The following NODAL variants were observed in gnomAD, a reference collection of about 807,000 sequenced individuals.
NODAL encodes nodal growth differentiation factor.
A neutral mutation model predicts 34.0 loss-of-function variants in NODAL; 12 were observed. The observed-to-expected ratio is 0.35, with a 90% CI of 0.23 to 0.57. NODAL has a LOEUF of 0.57. Ranked by LOEUF, NODAL falls within the 20% of genes least tolerant of loss-of-function variation. The pLI is 0.83. For synonymous variants in NODAL, 162 were observed against 186.4 expected, an observed-to-expected ratio of 0.87 and a Z score of 1.07; for missense variants, 390 against 444.2, an observed-to-expected ratio of 0.88 and a Z score of 1.10.
chr10:70,434,124 T>G (rs1301983522), intron 2 of NODAL, among the ~76,000 whole-genome samples: 1 of 152,168 alleles, frequency 6.6e-6, no homozygotes, highest in Admixed American at 6.5e-5. Context: ...GGAGGATATA[T>G]TGCAAGTCCA....
chr10:70,440,530 C>T (rs1055315393), intron 1 of NODAL, among the ~76,000 whole-genome samples: 2 of 152,118 alleles, frequency 1.3e-5, no homozygotes, highest in African/African-American at 4.8e-5. Flanking sequence ...TGCGCCCCGG[C>T]CCCAGGGAGG....
chr10:70,446,479 G>A (rs1845487314), upstream of NODAL, among the ~76,000 whole-genome samples: 1 of 152,108 alleles, frequency 6.6e-6, no homozygotes, highest in Non-Finnish European at 1.5e-5. Context: ...CTACTGACAG[G>A]AATGCTATAA....
At chr10:70,444,136 C>T (rs12779836), upstream of NODAL, among the ~76,000 whole-genome samples, 94,335 of 151,742 alleles carry the variant, frequency 0.62, 29,874 homozygotes, top group Middle Eastern at 0.77. Flanking sequence ...TTTTGCTATG[C>T]TGCCCAGGCT....
upstream of NODAL, among the ~76,000 whole-genome samples, chr10:70,443,163 G>A (rs1564669756): frequency 2.6e-5 from 4 of 152,150 alleles, no homozygotes; most frequent in Admixed American, 1.3e-4. Context: ...TTAGAAAATG[G>A]AGAAAGGCCC....
intron 1 of NODAL, among the ~76,000 whole-genome samples, chr10:70,447,321 A>G (rs1031186938): frequency 1.3e-5 from 2 of 151,818 alleles, no homozygotes; most frequent in Non-Finnish European, 2.9e-5. Flanking sequence ...TGATCCATCC[A>G]CCTCGGCCTC....
In NODAL at chr10:70,432,577, G is replaced by T; in HGVS notation, c.*359C>A. The T allele has an allele frequency of 2.8e-6, 1 of 355,568 alleles. No individual in the cohort carries two copies. The highest frequency in any genetic ancestry group is 2.1e-5 in the African/African-American group (1 of 47,294). The allele number at this position is 355,568 out of a possible 1,614,324, so 22.0% of individuals were successfully genotyped here. A position where few individuals can be genotyped will look rare whatever the true frequency, so the allele number is the denominator to read the frequency against. ...ACTTCATCCCACCTCCAAAATACAT[G>T]CACATATGTCTCAACTTTCACATAC... On this transcript the variant is annotated 3_prime_UTR_variant, in exon 3 of 3. Coordinates refer to ENST00000287139, the MANE Select transcript of NODAL (RefSeq NM_018055.5).
chr10:70,443,308 T>C (rs1258711363), upstream of NODAL, among the ~76,000 whole-genome samples: 2 of 152,126 alleles, frequency 1.3e-5, no homozygotes, highest in Non-Finnish European at 2.9e-5. Context: ...AGTCTGTTAG[T>C]TTCCTAAAGC....
At chr10:70,446,308 A>G (rs1845486597), upstream of NODAL, among the ~76,000 whole-genome samples, 1 of 152,174 alleles carries the variant, frequency 6.6e-6, no homozygotes, top group South Asian at 2.1e-4. Flanking sequence ...TGATGTGAGC[A>G]GCAATGTGTG....
At chr10:70,441,436 G>A (rs1283315167) in intron 1 of NODAL, 39 bp downstream of exon 1, 3 of 1,543,612 alleles carry the variant, frequency 1.9e-6, no homozygotes, top group South Asian at 2.4e-5. Context: ...GAGGCGCCCC[G>A]GGGGTGCCCA....
chr10:70,442,838 C>A (rs1554850719), upstream of NODAL, among the ~76,000 whole-genome samples: 1 of 152,108 alleles, frequency 6.6e-6, no homozygotes, highest in Admixed American at 6.6e-5. Flanking sequence ...AATTTCAGCA[C>A]TTAGGGAGGA....
chr10:70,441,734 G>A, upstream of NODAL: 1 of 1,483,792 alleles, frequency 6.7e-7, no homozygotes. Context: ...CAGCCGCCCC[G>A]CCCCCACCTT....
In NODAL at chr10:70,435,668, TC is replaced by T; in HGVS notation, c.508del (p.Glu170ArgfsTer7). The stretch of plus-strand genomic sequence containing the variant: ...TCCAGCTACCCTGGACATCTGCTTC[TC>T]CAGGGCCCCAGGGTGCTTCAGCCAC... The part of the protein sequence containing the change: ...SKWLKHPGAL[E>X]KQMSRVAGEC... On this transcript the variant is annotated frameshift_variant, in exon 2 of 3. Coordinates refer to ENST00000287139, the MANE Select transcript of NODAL (RefSeq NM_018055.5). LOFTEE classifies it high-confidence loss of function. 6.2e-7 allele frequency: 1 copy of T among 1,614,080 alleles called. No homozygotes were observed. The highest frequency in any genetic ancestry group is 8.5e-7 in the Non-Finnish European group (1 of 1,180,000).
rs569586334 is a variant in NODAL at position 70,433,396 on chromosome 10, T to C, written c.892-308A>G. Among the ~76,000 whole-genome samples the C allele has an allele frequency of 2.9e-3, 444 of 152,212 alleles. 1 individual carries two copies. Among genetic ancestry groups the C allele is most frequent in the African/African-American group, 0.01 (417 of 41,526 alleles). On this transcript the variant is annotated intron_variant, in intron 2 of 2. Coordinates refer to ENST00000287139, the MANE Select transcript of NODAL (RefSeq NM_018055.5). ...AGCTAATTTTTATGTTCTCCTATTA[T>C]TCTAGTCTAAAGGGAATACCATTTT...
chr10:70,432,844 T>A lies in NODAL; in HGVS notation c.*92A>T. The A allele has an allele frequency of 6.6e-7, 1 of 1,507,698 alleles. No homozygotes were observed. Among genetic ancestry groups the A allele is most frequent in the Non-Finnish European group, 9.2e-7 (1 of 1,087,560 alleles). 93.4% of individuals were successfully genotyped at this position (1,507,698 alleles called of 1,614,324 possible). ...GCAGAGCAACTTTGCCCCTCTCTGT[T>A]TCTCCTTACTGGATTAGATGGTTAT... On this transcript the variant is annotated 3_prime_UTR_variant, in exon 3 of 3. Transcript: ENST00000287139.
chr10:70,447,826 C>G (rs1845505046), intron 1 of NODAL: 1 of 467,736 alleles, frequency 2.1e-6, no homozygotes, highest in Admixed American at 2.4e-5. Context: ...GGCCCCAGCC[C>G]CTGGTTTATA....
rs1469199968 is a variant in NODAL, at chr10:70,432,219, C to G, written c.*717G>C. ...CAAACTCAGGCTGTGTCTGCCGAAGCAGACTGACGCAGGGATGTCTTCTGT... is the reference window on the plus strand; with the variant it reads ...CAAACTCAGGCTGTGTCTGCCGAAGGAGACTGACGCAGGGATGTCTTCTGT... On this transcript the variant is annotated 3_prime_UTR_variant, in exon 3 of 3. Transcript: ENST00000287139. 1 of 153,358 alleles carries G rather than the reference C, an allele frequency of 6.5e-6. No homozygotes were observed. Among genetic ancestry groups the G allele is most frequent in the East Asian group, 1.9e-4 (1 of 5,218 alleles). 9.5% of individuals were successfully genotyped at this position (153,358 alleles called of 1,614,324 possible).
chr10:70,445,303 A>G (rs537425825), upstream of NODAL, among the ~76,000 whole-genome samples: 4 of 152,254 alleles, frequency 2.6e-5, no homozygotes, highest in East Asian at 7.7e-4. Context: ...TGTCGCCCAG[A>G]CTAGAGTGCA....
upstream of NODAL, among the ~76,000 whole-genome samples, chr10:70,445,191 A>G (rs529133822): frequency 6.6e-6 from 1 of 152,314 alleles, no homozygotes; most frequent in African/African-American, 2.4e-5. Flanking sequence ...GAGACTGGGA[A>G]GGAACAAAAA....
intron 2 of NODAL, among the ~76,000 whole-genome samples, chr10:70,434,487 C>G (rs182964222): frequency 1.3e-5 from 2 of 152,182 alleles, no homozygotes; most frequent in Middle Eastern, 3.2e-3. Context: ...CTCAGCCTCC[C>G]GAGTAGCTGG....
Sources: gnomAD v4.1 joint callset for allele counts (sites outside exome capture counted in the v4.1 genomes callset) on GRCh38, gnomAD v4.1.1 for gene constraint, MANE v1.5 for transcripts, NCBI Gene and HGNC (gene_info 2026-07-23, HGNC 2026-07-21) for gene names.